MTA3: variants seen among roughly 807,000 people sequenced by gnomAD.
MTA3 encodes the protein metastasis-associated protein MTA3.
MTA3 carries 34 observed loss-of-function variants against 83.5 expected under a neutral mutation model. That is an observed-to-expected ratio of 0.41 (90% confidence interval 0.31 to 0.54). The LOEUF is 0.54. Among genes scored for constraint, MTA3 ranks in the 20% least tolerant of loss-of-function variants. The probability of loss-of-function intolerance (pLI) is 0.33; values close to 1 mark genes in which losing one functional copy is unlikely to be tolerated. For missense variants in MTA3, 761 were observed against 726.4 expected, an observed-to-expected ratio of 1.05 and a Z score of -0.55; for synonymous variants, 303 against 252.7, an observed-to-expected ratio of 1.20 and a Z score of -1.89.
chr2:42,715,406 CTTTTT>C (rs35673744), intron 14 of MTA3, among the ~76,000 whole-genome samples: 16 of 104,160 alleles, frequency 1.5e-4, no homozygotes, highest in Admixed American at 3.2e-4. Flanking sequence ...CCACCAACTA[CTTTTT>C]TTTTTTTTTT....
intron 6 of MTA3, among the ~76,000 whole-genome samples, chr2:42,646,247 C>T (rs1688173289): frequency 1.3e-5 from 2 of 152,216 alleles, no homozygotes; most frequent in African/African-American, 4.8e-5. Context: ...CCCAAGAGCT[C>T]TGATGGGGAT....
chr2:42,602,447 T>G (rs190302606), intron 3 of MTA3, among the ~76,000 whole-genome samples: 18 of 152,336 alleles, frequency 1.2e-4, no homozygotes, highest in Admixed American at 1.2e-3. Context: ...TGGAAGAAAC[T>G]TGTCACAGAA....
At chr2:42,671,152 G>T (rs1690757507) in intron 8 of MTA3, among the ~76,000 whole-genome samples, 1 of 152,078 alleles carries the variant, frequency 6.6e-6, no homozygotes, top group Non-Finnish European at 1.5e-5. Context: ...ATGTCCTTCA[G>T]TGTGGGTTAT....
At chr2:42,520,442 C>T (rs1368576944) in intron 2 of MTA3, among the ~76,000 whole-genome samples, 3 of 152,120 alleles carry the variant, frequency 2.0e-5, no homozygotes, top group Admixed American at 6.6e-5. Context: ...CAAGATGCTG[C>T]CCCCATAAGC....
chr2:42,646,214 C>A (rs1688167782), intron 6 of MTA3, among the ~76,000 whole-genome samples: 1 of 152,200 alleles, frequency 6.6e-6, no homozygotes, highest in South Asian at 2.1e-4. Context: ...TCAAAAACTG[C>A]TCATTGATAA....
At position 42,756,006 on chromosome 2, in the gene MTA3, C is replaced by G; in HGVS notation, c.*2607C>G. On this transcript the variant is annotated 3_prime_UTR_variant, in exon 17 of 17. Transcript: ENST00000405094. ...CCCTTGTGCACAGCCCAGTTTCCAT[C>G]TCTCAGGGCCCACCCAGGAAAATGG... 3.0e-6 allele frequency: 3 copies of G among 985,430 alleles called. No individual in the cohort carries two copies. Among genetic ancestry groups the G allele is most frequent in the Non-Finnish European group, 3.6e-6 (3 of 829,894 alleles). 61.0% of individuals were successfully genotyped at this position (985,430 alleles called of 1,614,324 possible).
Position 42,706,131 on chromosome 2 carries a change from G to C in MTA3, c.1151-1772G>C, listed in dbSNP as rs188790785. Reference sequence around the variant, plus strand: ...TCACATCTGGGGACTGCTGTGGGGTGGGGGGAGCAGGGAGGGATAGCTTTA... The same window carrying C: ...TCACATCTGGGGACTGCTGTGGGGTCGGGGGAGCAGGGAGGGATAGCTTTA... On this transcript the variant is annotated intron_variant, in intron 12 of 16. Coordinates refer to ENST00000405094, the MANE Select transcript of MTA3 (RefSeq NM_001330442.2). Among the ~76,000 whole-genome samples the C allele has an allele frequency of 3.7e-3, 560 of 152,218 alleles. 3 individuals are homozygous for C. Among genetic ancestry groups the C allele is most frequent in the African/African-American group, 0.012 (493 of 41,526 alleles).
intron 2 of MTA3, among the ~76,000 whole-genome samples, chr2:42,529,022 C>T (rs780571052): frequency 1.3e-5 from 2 of 152,258 alleles, no homozygotes; most frequent in Middle Eastern, 3.4e-3. Flanking sequence ...TTACACATCC[C>T]GTTAAGTTAC....
intron 2 of MTA3, among the ~76,000 whole-genome samples, chr2:42,515,904 G>A (rs1303879522): frequency 6.7e-5 from 10 of 149,408 alleles, no homozygotes; most frequent in South Asian, 2.1e-4. Context: ...GCAGTGGTGC[G>A]ATCTCGGCTC....
At chr2:42,574,842 C>T (rs1226848834) in intron 2 of MTA3, among the ~76,000 whole-genome samples, 2 of 152,164 alleles carry the variant, frequency 1.3e-5, no homozygotes, top group African/African-American at 4.8e-5. Context: ...TACAGGCTGA[C>T]TGCCTTTGCA....
intron 16 of MTA3, among the ~76,000 whole-genome samples, chr2:42,751,537 C>T (rs1481450221): frequency 6.6e-6 from 1 of 152,112 alleles, no homozygotes; most frequent in Non-Finnish European, 1.5e-5. Flanking sequence ...CTTGTAAGGG[C>T]AGGTGGTAAG....
intron 8 of MTA3, among the ~76,000 whole-genome samples, chr2:42,661,984 G>A (rs1434085272): frequency 5.3e-5 from 8 of 151,984 alleles, no homozygotes; most frequent in Non-Finnish European, 1.2e-4. Context: ...TGTAGTCTGT[G>A]TTTTTATAGT....
At chr2:42,687,901 G>T (rs924691584) in intron 9 of MTA3, among the ~76,000 whole-genome samples, 6 of 152,188 alleles carry the variant, frequency 3.9e-5, no homozygotes, top group Non-Finnish European at 7.3e-5. Flanking sequence ...GGCAAGGTGT[G>T]TGTTTGTGTG....
At chr2:42,734,470 CTTTTTTT>C (rs3040123) in intron 16 of MTA3, among the ~76,000 whole-genome samples, 5 of 82,478 alleles carry the variant, frequency 6.1e-5, no homozygotes, top group Non-Finnish European at 1.1e-4. Context: ...ATCACGGGGC[CTTTTTTT>C]TTTTTTTTTT....
intron 14 of MTA3, among the ~76,000 whole-genome samples, chr2:42,716,027 T>C (rs929672217): frequency 2.6e-5 from 4 of 152,254 alleles, no homozygotes; most frequent in African/African-American, 9.6e-5. Context: ...GGCAGGCGTT[T>C]GATCCTTACA....
chr2:42,642,552 G>A (rs1687785227), intron 5 of MTA3, among the ~76,000 whole-genome samples: 1 of 151,232 alleles, frequency 6.6e-6, no homozygotes, highest in South Asian at 2.1e-4. Context: ...CAGTTACTGA[G>A]TAATATTTAT....
upstream of MTA3, among the ~76,000 whole-genome samples, chr2:42,565,687 C>A (rs1169437291): frequency 2.0e-5 from 3 of 152,092 alleles, no homozygotes; most frequent in African/African-American, 4.8e-5. Flanking sequence ...AAGCGCCCAA[C>A]AAGTGCCAAA....
intron 8 of MTA3, among the ~76,000 whole-genome samples, chr2:42,674,706 C>G (rs936056782): frequency 6.0e-5 from 9 of 149,776 alleles, no homozygotes; most frequent in African/African-American, 2.2e-4. Context: ...TCAAGGGATT[C>G]TCCTGCCTCA....
chr2:42,613,484 A>G (rs1440971350), intron 4 of MTA3, among the ~76,000 whole-genome samples: 1 of 152,228 alleles, frequency 6.6e-6, no homozygotes, highest in Non-Finnish European at 1.5e-5. Context: ...GATGTAGAAC[A>G]AGTGCACATT....
Sources: allele counts gnomAD v4.1 joint callset (sites outside exome capture counted in the v4.1 genomes callset), GRCh38; gene constraint gnomAD v4.1.1; transcripts MANE v1.5; gene names NCBI Gene and HGNC (gene_info 2026-07-23, HGNC 2026-07-21).